Variants in DSCC1 observed in about 807,000 individuals in gnomAD.
DSCC1 encodes the protein DNA replication and sister chromatid cohesion 1.
DSCC1 carries 32 observed loss-of-function variants against 48.2 expected under a neutral mutation model. The ratio of observed to expected loss-of-function variants is 0.66; its 90% CI spans 0.50 to 0.89. The LOEUF (loss-of-function observed/expected upper bound fraction) is 0.89, where lower values mean the gene tolerates loss of function less well. Among genes scored for constraint, DSCC1 ranks in the 40% least tolerant of loss-of-function variants. The pLI is 0.00. For synonymous variants in DSCC1, 150 were observed against 171.5 expected, an observed-to-expected ratio of 0.87 and a Z score of 0.98; for missense variants, 421 against 471.7, an observed-to-expected ratio of 0.89 and a Z score of 1.00.
intron 3 of DSCC1, among the ~76,000 whole-genome samples, chr8:119,848,951 G>A (rs371050968): frequency 7.9e-5 from 12 of 152,076 alleles, no homozygotes; most frequent in East Asian, 1.9e-4. Context: ...TTGGGAGGCC[G>A]AGGCGGGTGG....
intron 3 of DSCC1, among the ~76,000 whole-genome samples, chr8:119,849,149 C>T (rs1826906596): frequency 1.4e-5 from 2 of 144,994 alleles, no homozygotes; most frequent in Admixed American, 7.0e-5. Context: ...CGCGCCACTG[C>T]ACTCCAGCCT....
intron 1 of DSCC1, 25 bp downstream of exon 1, chr8:119,855,589 G>A (rs1473079827): frequency 1.3e-6 from 2 of 1,528,444 alleles, no homozygotes; most frequent in South Asian, 1.2e-5. Context: ...CCAGAGGCTG[G>A]GGGCGCCGCG....
intron 6 of DSCC1, among the ~76,000 whole-genome samples, chr8:119,842,278 T>C (rs1348156936): frequency 6.6e-6 from 1 of 152,130 alleles, no homozygotes; most frequent in African/African-American, 2.4e-5. Context: ...TTCACCATGT[T>C]GGCCAGGCTT....
chr8:119,855,675 CGGCTGCAGCGCCGCT>C lies in DSCC1; in HGVS notation c.106_120del (p.Ser36_Ala40del), dbSNP rs1563948505. 6.4e-7 allele frequency: 1 copy of C among 1,550,956 alleles called. No individual in the cohort carries two copies. The highest frequency in any genetic ancestry group is 2.4e-5 in the East Asian group (1 of 40,918). On this transcript the variant is annotated inframe_deletion, in exon 1 of 9. Transcript: ENST00000313655. The stretch of plus-strand genomic sequence containing the variant: ...TCCAGCTCCAGCAGGCAGAAGTCGC[CGGCTGCAGCGCCGCT>C]GGCCCCAGGGCCGAAGCCCAGGCAG...
At position 119,834,645 on chromosome 8, in the gene DSCC1, C is replaced by A; in HGVS notation, c.*248G>T. On this transcript the variant is annotated 3_prime_UTR_variant, in exon 9 of 9. Transcript: ENST00000313655. ...CAAACTTTAAATAAATCATAGAGACCTCAGACATAATATAGGAAAGAATTC... is the reference window on the plus strand; with the variant it reads ...CAAACTTTAAATAAATCATAGAGACATCAGACATAATATAGGAAAGAATTC... 5 of 346,524 alleles carry A rather than the reference C, an allele frequency of 1.4e-5. No homozygotes were observed. Among genetic ancestry groups the A allele is most frequent in the South Asian group, 8.1e-5 (2 of 24,588 alleles). 21.5% of individuals were successfully genotyped at this position (346,524 alleles called of 1,614,324 possible).
At chr8:119,848,841 C>A (rs1206251004) in intron 3 of DSCC1, among the ~76,000 whole-genome samples, 3 of 151,710 alleles carry the variant, frequency 2.0e-5, no homozygotes, top group Non-Finnish European at 2.9e-5. Context: ...TGTAATCCCA[C>A]CACTTTGGGA....
intron 8 of DSCC1, among the ~76,000 whole-genome samples, chr8:119,835,810 C>T (rs951350445): frequency 4.6e-5 from 7 of 152,080 alleles, no homozygotes; most frequent in Non-Finnish European, 1.0e-4. Context: ...TTGGTTTCCT[C>T]TTCTGTACCT....
intron 8 of DSCC1, 50 bp from the exon 9 acceptor site, chr8:119,835,051 T>G (rs911143859): frequency 1.6e-6 from 2 of 1,213,528 alleles, no homozygotes; most frequent in Admixed American, 1.9e-5. Flanking sequence ...GGGAACATAT[T>G]ATGATACAGT....
In DSCC1 at chr8:119,853,170, A is replaced by T. The variant is rs1826966001; in HGVS notation, c.228T>A (p.Ser76Arg). 3 of 1,613,776 alleles carry T rather than the reference A, an allele frequency of 1.9e-6. No homozygotes were observed. The highest frequency in any genetic ancestry group is 1.6e-4 in the Middle Eastern group (1 of 6,062). Residue 76 changes from serine to arginine, a missense_variant, in exon 2 of 9, where the codon AGT (serine) becomes AGA (arginine). Coordinates refer to ENST00000313655, the MANE Select transcript of DSCC1 (RefSeq NM_024094.3). ...TCTTCAAGTCGTATGTTTTGTCTTTACTGCACAGCACAGCTTGCTCGTCTT... is the reference window on the plus strand; with the variant it reads ...TCTTCAAGTCGTATGTTTTGTCTTTTCTGCACAGCACAGCTTGCTCGTCTT... The part of the protein sequence containing the change: ...GDKDEQAVLC[S>R]KDKTYDLKIA...
chr8:119,850,405 C>CT lies in DSCC1; in HGVS notation c.462dup (p.Glu155ArgfsTer6). On this transcript the variant is annotated frameshift_variant, in exon 3 of 9. Transcript: ENST00000313655. LOFTEE classifies it high-confidence loss of function. Reference sequence around the variant, plus strand: ...ACTTTTGAGCTATTTGAATCCTTCTCTTTTTGACTGTCAGGTCCTTCATAT... The same window carrying CT: ...ACTTTTGAGCTATTTGAATCCTTCTCTTTTTTGACTGTCAGGTCCTTCATAT... 1 of 1,592,030 alleles carries CT rather than the reference C, an allele frequency of 6.3e-7. No individual in the cohort carries two copies. The highest frequency in any genetic ancestry group is 8.5e-7 in the Non-Finnish European group (1 of 1,173,972).
chr8:119,837,548 A>T (rs1826704396), intron 8 of DSCC1, among the ~76,000 whole-genome samples: 1 of 152,206 alleles, frequency 6.6e-6, no homozygotes, highest in Admixed American at 6.5e-5. Flanking sequence ...ATGCCTGGTG[A>T]GGGGCCGTTG....
At position 119,834,323 on chromosome 8, in the gene DSCC1, T is replaced by C. The variant is rs1419569089; in HGVS notation, c.*570A>G. On this transcript the variant is annotated 3_prime_UTR_variant, in exon 9 of 9. Transcript: ENST00000313655. ...TGTGCCAGTATTCTTCATTATAGGA[T>C]TATAAACTCGTTTTTTTCCCAAAGC... is the stretch of plus-strand genomic sequence containing the variant. The C allele has an allele frequency of 2.0e-5, 3 of 152,458 alleles. No individual in the cohort carries two copies. The East Asian group carries it at 5.8e-4, about 29-fold the overall frequency. The allele number at this position is 152,458 out of a possible 1,614,324, so 9.4% of individuals were successfully genotyped here. A position where few individuals can be genotyped will look rare whatever the true frequency, so the allele number is the denominator to read the frequency against.
chr8:119,854,601 C>A (rs1358828434), intron 1 of DSCC1, among the ~76,000 whole-genome samples: 1 of 152,204 alleles, frequency 6.6e-6, no homozygotes, highest in Admixed American at 6.5e-5. Context: ...ACTCCCTACA[C>A]CCCAAAATTA....
intron 1 of DSCC1, 39 bp from the exon 2 acceptor site, chr8:119,853,254 A>T (rs1826967946): frequency 6.4e-7 from 1 of 1,559,740 alleles, no homozygotes; most frequent in African/African-American, 1.4e-5. Context: ...GTTTATTGAC[A>T]ATCCAGTAGC....
chr8:119,855,576 C>T, intron 1 of DSCC1, 38 bp downstream of exon 1: 1 of 1,518,316 alleles, frequency 6.6e-7, no homozygotes, highest in Non-Finnish European at 8.8e-7. Flanking sequence ...ATAACGTGGC[C>T]GGCCAGAGGC....
intron 2 of DSCC1, among the ~76,000 whole-genome samples, chr8:119,850,956 C>T (rs1826935388): frequency 6.6e-6 from 1 of 152,134 alleles, no homozygotes; most frequent in Admixed American, 6.6e-5. Context: ...GTGTGTTGCT[C>T]ACGTTGAAAT....
rs112349158 is a variant in DSCC1, at chr8:119,850,527, T to TA, written c.352-12dup. ...AGAAAAACCAAAGATCTAGAAATTATATATATCGTAACCTTTTAGGGGCCA... is the reference window on the plus strand; with the variant it reads ...AGAAAAACCAAAGATCTAGAAATTATAATATATCGTAACCTTTTAGGGGCCA... On this transcript the variant is annotated splice_polypyrimidine_tract_variant and intron_variant, in intron 2 of 8. Coordinates refer to ENST00000313655, the MANE Select transcript of DSCC1 (RefSeq NM_024094.3). 0.24 allele frequency: 369,972 copies of TA among 1,558,264 alleles called. 50,249 individuals carry two copies. The highest frequency in any genetic ancestry group is 0.56 in the African/African-American group (39,655 of 71,378).
At chr8:119,835,373 G>A (rs917685843) in intron 8 of DSCC1, among the ~76,000 whole-genome samples, 1 of 152,062 alleles carries the variant, frequency 6.6e-6, no homozygotes, top group African/African-American at 2.4e-5. Flanking sequence ...CGGGTGTGGT[G>A]GTGGGCACCT....
At chr8:119,836,914 G>A (rs1826693436) in intron 8 of DSCC1, among the ~76,000 whole-genome samples, 1 of 152,142 alleles carries the variant, frequency 6.6e-6, no homozygotes, top group Non-Finnish European at 1.5e-5. Context: ...AGGAAGAGGG[G>A]AGAAACTTGT....
Sources: allele counts gnomAD v4.1 joint callset (sites outside exome capture counted in the v4.1 genomes callset), GRCh38; gene constraint gnomAD v4.1.1; transcripts MANE v1.5; gene names NCBI Gene and HGNC (gene_info 2026-07-23, HGNC 2026-07-21).